ROBO2: variants seen among roughly 807,000 people sequenced by gnomAD.
The protein encoded by ROBO2 is roundabout homolog 2.
ROBO2 carries 53 observed loss-of-function variants against 160.8 expected under a neutral mutation model. That is an observed-to-expected ratio of 0.33 (90% CI 0.26 to 0.41). ROBO2 has a LOEUF of 0.41. Ranked by LOEUF, ROBO2 falls within the 10% of genes least tolerant of loss-of-function variation. The pLI is 1.00. For missense variants in ROBO2, 1,577 were observed against 1,722.4 expected, an observed-to-expected ratio of 0.92 and a Z score of 1.49; for synonymous variants, 664 against 611.7, an observed-to-expected ratio of 1.09 and a Z score of -1.26.
chr3:76,798,170 G>GAAA (rs1553909247), intron 2 of ROBO2, among the ~76,000 whole-genome samples: 110 of 113,866 alleles, frequency 9.7e-4, no homozygotes, highest in African/African-American at 2.6e-3. Context: ...AAGAAAGAAA[G>GAAA]GGAGAGAAAG....
intron 2 of ROBO2, among the ~76,000 whole-genome samples, chr3:77,291,139 A>G (rs2061176085): frequency 6.6e-6 from 1 of 151,122 alleles, no homozygotes. Flanking sequence ...ATAAAGTAAA[A>G]CTGATGGTTA....
chr3:76,150,965 A>G (rs2072173847), intron 2 of ROBO2, among the ~76,000 whole-genome samples: 1 of 152,046 alleles, frequency 6.6e-6, no homozygotes, highest in Admixed American at 6.6e-5. Context: ...AAAGGCATAC[A>G]CCATTTACTC....
At chr3:77,541,445 G>C (rs747943506) in intron 6 of ROBO2, among the ~76,000 whole-genome samples, 112 of 152,302 alleles carry the variant, frequency 7.4e-4, no homozygotes, top group Non-Finnish European at 1.4e-3. Flanking sequence ...GCTGAATGCA[G>C]TATCAAAGCA....
chr3:77,203,801 T>C (rs993125250), intron 2 of ROBO2, among the ~76,000 whole-genome samples: 2 of 152,206 alleles, frequency 1.3e-5, no homozygotes, highest in African/African-American at 2.4e-5. Flanking sequence ...TGCAACTCTA[T>C]GAGACAGGAA....
intron 2 of ROBO2, among the ~76,000 whole-genome samples, chr3:77,348,527 A>T (rs1191814742): frequency 6.6e-6 from 1 of 152,182 alleles, no homozygotes; most frequent in East Asian, 1.9e-4. Flanking sequence ...TCATCCTGTG[A>T]CTTAGAATGA....
intron 2 of ROBO2, among the ~76,000 whole-genome samples, chr3:76,022,841 G>A (rs1373104000): frequency 2.6e-5 from 4 of 151,696 alleles, no homozygotes; most frequent in Non-Finnish European, 4.4e-5. Context: ...GTCCTTTGAA[G>A]CTTTAAAGCC....
chr3:76,287,637 G>C (rs547358408), intron 2 of ROBO2, among the ~76,000 whole-genome samples: 2 of 152,034 alleles, frequency 1.3e-5, no homozygotes, highest in South Asian at 4.1e-4. Flanking sequence ...GGTGTTTTGC[G>C]TATTGGAAGG....
intron 2 of ROBO2, among the ~76,000 whole-genome samples, chr3:75,944,517 A>C (rs1168572664): frequency 6.6e-6 from 1 of 150,902 alleles, no homozygotes; most frequent in Non-Finnish European, 1.5e-5. Context: ...CCAAGGACTT[A>C]AAAAAAAACC....
At chr3:76,650,481 C>CTTTTTTTTTTTTT (rs67171130) in intron 2 of ROBO2, among the ~76,000 whole-genome samples, 1 of 146,728 alleles carries the variant, frequency 6.8e-6, no homozygotes. Flanking sequence ...CCTTCTTTCT[C>CTTTTTTTTTTTTT]TTTTTTTTTT....
intron 2 of ROBO2, among the ~76,000 whole-genome samples, chr3:76,967,832 G>A (rs551420443): frequency 3.9e-4 from 59 of 152,102 alleles, no homozygotes; most frequent in African/African-American, 1.1e-3. Context: ...GGCCTGAGCC[G>A]TGCCTAGCCT....
chr3:76,235,856 G>A (rs1333770632), intron 2 of ROBO2, among the ~76,000 whole-genome samples: 1 of 152,150 alleles, frequency 6.6e-6, no homozygotes. Flanking sequence ...AATAAAAGCT[G>A]AAGAGCCAGT....
chr3:77,282,956 CTT>C (rs199728894), intron 2 of ROBO2, among the ~76,000 whole-genome samples: 2 of 127,066 alleles, frequency 1.6e-5, no homozygotes, highest in African/African-American at 2.6e-5. Flanking sequence ...GAGGCTTCTG[CTT>C]TTAAAAAAAA....
chr3:76,489,607 T>G (rs2079702272), intron 2 of ROBO2, among the ~76,000 whole-genome samples: 1 of 152,148 alleles, frequency 6.6e-6, no homozygotes, highest in Admixed American at 6.5e-5. Context: ...ATTAAAAAAT[T>G]ATTTTATTTA....
At chr3:77,544,004 T>G (rs545780127) in intron 6 of ROBO2, among the ~76,000 whole-genome samples, 1 of 152,238 alleles carries the variant, frequency 6.6e-6, no homozygotes, top group Admixed American at 6.5e-5. Flanking sequence ...CATTATTATT[T>G]TTCTTTATAG....
chr3:77,185,819 G>GTA lies in ROBO2; in HGVS notation c.388+87487_388+87488dup, dbSNP rs1378816489. Reference sequence around the variant, plus strand: ...CTGTGATACACACATATATATATATGTATATATATGATGGAATACTAGTCA... The same window carrying GTA: ...CTGTGATACACACATATATATATATGTATATATATATGATGGAATACTAGTCA... On this transcript the variant is annotated intron_variant, in intron 2 of 25. Transcript: ENST00000461745. 3.8e-4 allele frequency among the ~76,000 whole-genome samples: 48 copies of GTA among 127,270 alleles called. 1 individual carries two copies. The East Asian group carries it at 9.6e-3, about 26-fold the overall frequency. The allele number at this position is 127,270 out of a possible 152,430, so 83.5% of individuals were successfully genotyped here.
intron 2 of ROBO2, among the ~76,000 whole-genome samples, chr3:76,370,620 G>A (rs1387282732): frequency 6.6e-6 from 1 of 151,820 alleles, no homozygotes; most frequent in Non-Finnish European, 1.5e-5. Context: ...AGGGAATATT[G>A]GAGCTGACAT....
At chr3:77,445,797 T>G (rs889422593) in intron 2 of ROBO2, among the ~76,000 whole-genome samples, 1 of 74,734 alleles carries the variant, frequency 1.3e-5, no homozygotes, top group Non-Finnish European at 3.7e-5. Flanking sequence ...TTTTTTTGTT[T>G]TTTTTTTTTT....
intron 2 of ROBO2, among the ~76,000 whole-genome samples, chr3:77,423,633 G>A (rs1346098401): frequency 6.6e-6 from 1 of 151,992 alleles, no homozygotes; most frequent in East Asian, 1.9e-4. Flanking sequence ...TCATCTGTAT[G>A]GTCTCACCTG....
At chr3:77,293,538 GC>G (rs1281470586) in intron 2 of ROBO2, among the ~76,000 whole-genome samples, 15 of 147,204 alleles carry the variant, frequency 1.0e-4, no homozygotes, top group Admixed American at 1.0e-3. Flanking sequence ...GTAAGCTGAG[GC>G]TAGAGCACTA....
Sources: allele counts gnomAD v4.1 joint callset (sites outside exome capture counted in the v4.1 genomes callset), GRCh38; gene constraint gnomAD v4.1.1; transcripts MANE v1.5; gene names NCBI Gene and HGNC (gene_info 2026-07-23, HGNC 2026-07-21).